The following F5 variants were observed in gnomAD, a reference collection of about 807,000 sequenced individuals.
F5 encodes the protein coagulation factor V, also known as activated protein c cofactor.
Under a neutral mutation model 216.4 loss-of-function variants are expected in F5, and 138 were observed. The ratio of observed to expected loss-of-function variants is 0.64; its 90% CI spans 0.56 to 0.73. F5 has a LOEUF of 0.73. F5 is among the 30% of genes least tolerant of loss of function. The pLI is 0.00. For missense variants in F5, 2,403 were observed against 2,674.0 expected (o/e 0.90, Z 2.24); for synonymous variants, 916 against 930.7 (o/e 0.98, Z 0.29).
intron 21 of F5, among the ~76,000 whole-genome samples, chr1:169,521,684 G>A (rs1659313031): frequency 7.0e-6 from 1 of 142,898 alleles, no homozygotes; most frequent in African/African-American, 2.7e-5. Context: ...GCAGTGGCGT[G>A]ATCTCGGCTC....
At chr1:169,556,148 A>G (rs375379847) in intron 6 of F5, among the ~76,000 whole-genome samples, 11 of 152,100 alleles carry the variant, frequency 7.2e-5, no homozygotes, top group African/African-American at 2.4e-4. Context: ...ACCCCTCAGT[A>G]TATGCCATGT....
At chr1:169,560,451 A>T (rs1404131088) in intron 4 of F5, 103 bp downstream of exon 4, 1 of 1,071,498 alleles carries the variant, frequency 9.3e-7, no homozygotes, top group Non-Finnish European at 1.4e-6. Context: ...CCTCTGCTTG[A>T]TGTACAAGAA....
chr1:169,557,562 T>C (rs1296220699), intron 5 of F5, among the ~76,000 whole-genome samples: 1 of 152,190 alleles, frequency 6.6e-6, no homozygotes, highest in African/African-American at 2.4e-5. Flanking sequence ...GGAGTAGTGA[T>C]AACTGAATAT....
intron 24 of F5, among the ~76,000 whole-genome samples, chr1:169,515,229 A>G (rs779024900): frequency 3.3e-5 from 5 of 152,094 alleles, no homozygotes; most frequent in African/African-American, 4.8e-5. Context: ...AATGATATTT[A>G]TCCTCCTATG....
Position 169,586,321 on chromosome 1 carries a change from C to T in F5, c.66G>A (p.Gly22=). ...VVLGTSWVGW[G]SQGTEAAQLR... Reference sequence around the variant, plus strand: ...GCTGTGCCGCTTCTGTCCCTTGGCTCCCCCAGCCTACCCAGCTGGTGCCCA... The same window carrying T: ...GCTGTGCCGCTTCTGTCCCTTGGCTTCCCCAGCCTACCCAGCTGGTGCCCA... Residue 22 remains glycine (G), a synonymous_variant, in exon 1 of 25, where the codon GGG becomes GGA. Coordinates refer to ENST00000367797, the MANE Select transcript of F5 (RefSeq NM_000130.5). 1 of 1,614,050 alleles carries T rather than the reference C, an allele frequency of 6.2e-7. No individual in the cohort carries two copies. Among genetic ancestry groups the T allele is most frequent in the Non-Finnish European group, 8.5e-7 (1 of 1,180,008 alleles).
chr1:169,515,305 C>T, intron 24 of F5, 139 bp downstream of exon 24: 1 of 1,056,296 alleles, frequency 9.5e-7, no homozygotes, highest in Non-Finnish European at 1.4e-6. Flanking sequence ...TGTCTGAGAC[C>T]AGGCACCTTA....
intron 3 of F5, among the ~76,000 whole-genome samples, chr1:169,565,686 A>C (rs1341133814): frequency 2.0e-5 from 3 of 152,060 alleles, no homozygotes; most frequent in Non-Finnish European, 2.9e-5. Flanking sequence ...ATTTTGTTGG[A>C]TCTGGATCTT....
In F5 at chr1:169,542,821, C is replaced by G; in HGVS notation, c.2269G>C (p.Ala757Pro). The G allele has an allele frequency of 6.2e-7, 1 of 1,614,118 alleles. No homozygotes were observed. Among genetic ancestry groups the G allele is most frequent in the South Asian group, 1.1e-5 (1 of 91,076 alleles). ...ACGAATTCAGTGCCATTCTCCAGAG[C>G]TAGGGCAGTAAGATTGAACTCTTCT... The part of the protein sequence containing the change: ...EEEEFNLTAL[A>P]LENGTEFVSS... Residue 757 changes from alanine (A) to proline (P), a missense_variant, in exon 13 of 25, where the codon GCT (alanine) becomes CCT (proline). Ala to Pro is a conservative substitution (Grantham distance 27). Transcript: ENST00000367797.
At chr1:169,557,688 A>G (rs932597310) in intron 5 of F5, among the ~76,000 whole-genome samples, 11 of 151,872 alleles carry the variant, frequency 7.2e-5, no homozygotes, top group African/African-American at 2.7e-4. Context: ...TCAGATACAT[A>G]ATCACTAGAT....
chr1:169,542,072 A>C lies in F5; in HGVS notation c.3018T>G (p.His1006Gln). The C allele has an allele frequency of 6.2e-7, 1 of 1,613,904 alleles. No individual in the cohort carries two copies. Among genetic ancestry groups the C allele is most frequent in the Non-Finnish European group, 8.5e-7 (1 of 1,179,968 alleles). ...SGHPKFPRVRHKSLQVRQDGG... is the reference protein window; with the variant it reads ...SGHPKFPRVRQKSLQVRQDGG... ...CATCCTGTCTTACTTGTAGAGATTT[A>C]TGTCTAACTCTAGGAAACTTTGGGT... The change falls in exon 13 of 25, where the codon CAT becomes CAG. Residue 1006 changes from histidine (H) to glutamine (Q), a missense_variant. Transcript: ENST00000367797.
chr1:169,518,742 T>A (rs1348984137), intron 22 of F5, among the ~76,000 whole-genome samples, 179 bp from the exon 23 acceptor site: 2 of 152,190 alleles, frequency 1.3e-5, no homozygotes, highest in Non-Finnish European at 2.9e-5. Flanking sequence ...ACATGTATTA[T>A]ATAATGCTCA....
Position 169,542,218 on chromosome 1 carries a change from T to C in F5, c.2872A>G (p.Ile958Val). 1 of 1,614,118 alleles carries C rather than the reference T, an allele frequency of 6.2e-7. No individual in the cohort carries two copies. The highest frequency in any genetic ancestry group is 8.5e-7 in the Non-Finnish European group (1 of 1,179,990). ...GTGTCTTCATCAGTATCTTGGATTA[T>C]TTCATAGCTACCTTTCTCAGAAGCC... ...HLASEKGSYE[I>V]IQDTDEDTAV... The change falls in exon 13 of 25, where the codon ATA (isoleucine) becomes GTA (valine). Residue 958 changes from isoleucine to valine, a missense_variant. Ile to Val is a conservative substitution (Grantham distance 29, BLOSUM62 3). This residue lies in a region of F5 where 1,425 missense variants were observed against 1,554.8 expected (regional missense o/e 0.92). Transcript: ENST00000367797.
At chr1:169,530,488 T>G (rs1659569368) in intron 15 of F5, among the ~76,000 whole-genome samples, 1 of 152,232 alleles carries the variant, frequency 6.6e-6, no homozygotes, top group African/African-American at 2.4e-5. Context: ...CTAATACTTG[T>G]TCAAGAAAAT....
In F5 at chr1:169,540,428, A is replaced by G. The variant is rs754330677; in HGVS notation, c.4662T>C (p.Val1554=). The change falls in exon 13 of 25, where the codon GTT becomes GTC. Residue 1554 remains valine (V), a synonymous_variant. Transcript: ENST00000367797. ...VPYDDPYKTD[V]RTNINSSRDP... ...CTCTGGAGGAGTTGATGTTTGTCCT[A>G]ACATCAGTTTTGTAGGGGTCATCAT... 19 of 1,613,984 alleles carry G rather than the reference A, an allele frequency of 1.2e-5. No individual in the cohort carries two copies. In the South Asian group the frequency reaches 2.0e-4, roughly 17 times the overall value.
Position 169,541,813 on chromosome 1 carries a change from A to G in F5, c.3277T>C (p.Trp1093Arg), listed in dbSNP as rs1156778836. Residue 1093 changes from tryptophan to arginine, a missense_variant, in exon 13 of 25, where the codon TGG becomes CGG. This residue lies in a region of F5 where 1,425 missense variants were observed against 1,554.8 expected (regional missense o/e 0.92). Transcript: ENST00000367797. ...TTATGGTCAGGAAGTGAGGCTATCC[A>G]GCCAAAATCCATAGAGGGCAATGTC... ...NQTLPSMDFG[W>R]IASLPDHNQN... 2.5e-6 allele frequency: 4 copies of G among 1,614,148 alleles called. No homozygotes were observed. In the Admixed American group the frequency reaches 6.7e-5, roughly 27 times the overall value.
chr1:169,542,769 C>G lies in F5; in HGVS notation c.2321G>C (p.Gly774Ala), dbSNP rs547915978. 4 of 1,614,094 alleles carry G rather than the reference C, an allele frequency of 2.5e-6. No individual in the cohort carries two copies. In the East Asian group the frequency reaches 8.9e-5, roughly 36 times the overall value. Residue 774 changes from glycine to alanine, a missense_variant, in exon 13 of 25, where the codon GGT (glycine) becomes GCT (alanine). Around this residue, in one of 4 missense-constraint regions of F5, gnomAD observed 1,425 missense variants for 1,554.8 expected, o/e 0.92. Coordinates refer to ENST00000367797, the MANE Select transcript of F5 (RefSeq NM_000130.5). ...ATTACTTGGGGAAGAATAATTTGAA[C>G]CAACAATTATATCTGTGTTTGAAGA... ...FVSSNTDIIV[G>A]SNYSSPSNIS...
At chr1:169,582,671 T>G in intron 1 of F5, 149 bp from the exon 2 acceptor site, 1 of 503,510 alleles carries the variant, frequency 2.0e-6, no homozygotes, top group Admixed American at 3.7e-5. Flanking sequence ...TTTATAAATA[T>G]GATCAATAAG....
At position 169,556,870 on chromosome 1, in the gene F5, G is replaced by A; in HGVS notation, c.731-3C>T. 6.2e-7 allele frequency: 1 copy of A among 1,612,790 alleles called. No homozygotes were observed. Among genetic ancestry groups the A allele is most frequent in the South Asian group, 1.1e-5 (1 of 90,988 alleles). ...GTCATGGGCACAAACTGTTATATCT[G>A]AGAAAGAGGGAGAGACACAGGCCAA... On this transcript the variant is annotated splice_region_variant and splice_polypyrimidine_tract_variant and intron_variant, in intron 5 of 24. Coordinates refer to ENST00000367797, the MANE Select transcript of F5 (RefSeq NM_000130.5).
At chr1:169,584,252 C>A (rs1661051301) in intron 1 of F5, among the ~76,000 whole-genome samples, 1 of 152,134 alleles carries the variant, frequency 6.6e-6, no homozygotes, top group African/African-American at 2.4e-5. Flanking sequence ...CTATTTTGAT[C>A]TGAACAATTT....
Sources: gnomAD v4.1 joint callset for allele counts (sites outside exome capture counted in the v4.1 genomes callset) on GRCh38, gnomAD v4.1.1 for gene constraint, gnomAD v4.1.1 regional missense constraint, MANE v1.5 for transcripts, NCBI Gene and HGNC (gene_info 2026-07-23, HGNC 2026-07-21) for gene names.